KLF15: variants seen among roughly 807,000 people sequenced by gnomAD.
The protein encoded by KLF15 is KLF transcription factor 15, also known as Krueppel-like factor 15.
In KLF15, 4 loss-of-function variants were observed where a neutral mutation model predicts 24.6. The ratio of observed to expected loss-of-function variants is 0.16; its 90% CI spans 0.08 to 0.37. KLF15 has a LOEUF of 0.37. Among genes scored for constraint, KLF15 ranks in the 10% least tolerant of loss-of-function variants. KLF15 has a pLI of 1.00. For missense variants in KLF15, 496 were observed against 560.6 expected (o/e 0.88, Z 1.16); for synonymous variants, 246 against 236.3 (o/e 1.04, Z -0.37).
chr3:126,290,358 C>A, the KLF15 span, among the ~76,000 whole-genome samples: 10 of 152,288 alleles, frequency 6.6e-5, no homozygotes, highest in African/African-American at 2.2e-4. Context: ...GTGGACCCCA[C>A]CCCAGCCCAG....
chr3:126,303,536 C>T, the KLF15 span, among the ~76,000 whole-genome samples: 2 of 151,762 alleles, frequency 1.3e-5, no homozygotes, highest in East Asian at 1.9e-4. Flanking sequence ...ATGTAATATG[C>T]CTTTTTCTAT....
chr3:126,340,971 C>T (rs2082475490), downstream of KLF15, among the ~76,000 whole-genome samples: 1 of 152,236 alleles, frequency 6.6e-6, no homozygotes, highest in African/African-American at 2.4e-5. Context: ...TTACCACGTG[C>T]CACCACGCTG....
In KLF15 at chr3:126,352,452, C is replaced by T. The variant is rs768650417; in HGVS notation, c.471G>A (p.Lys157=). 1 of 1,613,598 alleles carries T rather than the reference C, an allele frequency of 6.2e-7. No homozygotes were observed. Among genetic ancestry groups the T allele is most frequent in the Non-Finnish European group, 8.5e-7 (1 of 1,179,990 alleles). ...CCTTGCTGTTGCCCTCAGGGACCTCCTTGACTCCAGGCTCCATGTTCTCCT... is the reference window on the plus strand; with the variant it reads ...CCTTGCTGTTGCCCTCAGGGACCTCTTTGACTCCAGGCTCCATGTTCTCCT... The part of the protein sequence containing the change: ...FLEENMEPGV[K]EVPEGNSKDL... The change falls in exon 2 of 3, where the codon AAG becomes AAA. Residue 157 remains lysine (K), a synonymous_variant. Transcript: ENST00000296233.
chr3:126,352,142 C>G lies in KLF15; in HGVS notation c.781G>C (p.Ala261Pro), dbSNP rs754183879. Residue 261 changes from alanine to proline, a missense_variant, in exon 2 of 3, where the codon GCA becomes CCA. Ala to Pro is a conservative substitution (Grantham distance 27). This residue lies in a region of KLF15 where 399 missense variants were observed against 423.1 expected (regional missense o/e 0.94). Transcript: ENST00000296233. The stretch of plus-strand genomic sequence containing the variant: ...GAGGGTACCACCTGGGGCACGAGTG[C>G]GAAGGTCTGCCCCTGGATGTTGACC... ...LLVNIQGQTF[A>P]LVPQVVPSSN... 1 of 1,569,382 alleles carries G rather than the reference C, an allele frequency of 6.4e-7. No homozygotes were observed. Among genetic ancestry groups the G allele is most frequent in the Non-Finnish European group, 8.6e-7 (1 of 1,156,758 alleles).
chr3:126,308,475 G>C, the KLF15 span, among the ~76,000 whole-genome samples: 1 of 152,292 alleles, frequency 6.6e-6, no homozygotes, highest in African/African-American at 2.4e-5. Flanking sequence ...CCAGCTGAGG[G>C]AGCTGCACGT....
chr3:126,318,105 C>T, the KLF15 span, among the ~76,000 whole-genome samples: 25 of 152,208 alleles, frequency 1.6e-4, no homozygotes, highest in African/African-American at 5.8e-4. Context: ...GCTGCCTGTC[C>T]GCTCTCACCC....
the KLF15 span, among the ~76,000 whole-genome samples, chr3:126,305,326 C>T: frequency 1.3e-5 from 2 of 152,148 alleles, no homozygotes; most frequent in Non-Finnish European, 2.9e-5. Flanking sequence ...GATGAGTCTC[C>T]CAGTTGGCCC....
chr3:126,292,151 C>A, the KLF15 span, among the ~76,000 whole-genome samples: 2 of 152,194 alleles, frequency 1.3e-5, no homozygotes, highest in African/African-American at 2.4e-5. Flanking sequence ...AGCAGATTCC[C>A]TGTGGCATGA....
the KLF15 span, among the ~76,000 whole-genome samples, chr3:126,292,713 C>G: frequency 6.6e-6 from 1 of 151,608 alleles, no homozygotes; most frequent in South Asian, 2.1e-4. Context: ...TGAGTCTGGA[C>G]GAGGGGAGGG....
chr3:126,314,546 A>T, the KLF15 span, among the ~76,000 whole-genome samples: 1 of 152,132 alleles, frequency 6.6e-6, no homozygotes, highest in African/African-American at 2.4e-5. Context: ...CCATCCAACC[A>T]GTAGCTCCTG....
chr3:126,314,627 C>T, the KLF15 span, among the ~76,000 whole-genome samples: 1 of 152,200 alleles, frequency 6.6e-6, no homozygotes, highest in Admixed American at 6.5e-5. Flanking sequence ...GTGACCCCAG[C>T]AGGGCCCAGA....
downstream of KLF15, among the ~76,000 whole-genome samples, chr3:126,337,997 C>G (rs1055414573): frequency 3.9e-5 from 6 of 152,210 alleles, no homozygotes; most frequent in Admixed American, 1.3e-4. Flanking sequence ...GTAGTGCACT[C>G]CAGCCGCTGT....
chr3:126,352,421 C>T lies in KLF15; in HGVS notation c.502G>A (p.Asp168Asn), dbSNP rs1281213893. Residue 168 changes from aspartate to asparagine, a missense_variant, in exon 2 of 3, where the codon GAT (aspartate) becomes AAT (asparagine). This residue lies in a region of KLF15 where 399 missense variants were observed against 423.1 expected (regional missense o/e 0.94). Coordinates refer to ENST00000296233, the MANE Select transcript of KLF15 (RefSeq NM_014079.4). Reference sequence around the variant, plus strand: ...CCAGCTGAGAGCTGGCTGCAGGCATCCAAGTCCTTGCTGTTGCCCTCAGGG... The same window carrying T: ...CCAGCTGAGAGCTGGCTGCAGGCATTCAAGTCCTTGCTGTTGCCCTCAGGG... Reference protein sequence around the residue: ...EVPEGNSKDLDACSQLSAGPH... With the variant: ...EVPEGNSKDLNACSQLSAGPH... 6 of 1,613,580 alleles carry T rather than the reference C, an allele frequency of 3.7e-6. No individual in the cohort carries two copies. The South Asian group carries it at 6.6e-5, about 18-fold the overall frequency.
chr3:126,299,108 T>A, the KLF15 span, among the ~76,000 whole-genome samples: 4 of 152,340 alleles, frequency 2.6e-5, no homozygotes, highest in East Asian at 7.7e-4. Context: ...CCATGGGATG[T>A]ATTTCTATTT....
the KLF15 span, among the ~76,000 whole-genome samples, chr3:126,317,441 C>A: frequency 6.6e-6 from 1 of 152,100 alleles, no homozygotes; most frequent in African/African-American, 2.4e-5. Flanking sequence ...AGCAACTTCG[C>A]GATAAGATCT....
In KLF15 at chr3:126,343,602, G is replaced by T; in HGVS notation, c.*125C>A. 1.0e-6 allele frequency: 1 copy of T among 987,206 alleles called. No individual in the cohort carries two copies. The highest frequency in any genetic ancestry group is 1.5e-6 in the Non-Finnish European group (1 of 666,298). The allele number at this position is 987,206 out of a possible 1,614,324, so 61.2% of individuals were successfully genotyped here. ...GCGGGCCCTGGGTTCACACCTCCCA[G>T]GCTTCAGAAGGTGGGCTGGTAACAT... On this transcript the variant is annotated 3_prime_UTR_variant, in exon 3 of 3. Transcript: ENST00000296233.
At chr3:126,329,446 C>G in the KLF15 span, among the ~76,000 whole-genome samples, 1 of 152,156 alleles carries the variant, frequency 6.6e-6, no homozygotes, top group Non-Finnish European at 1.5e-5. Context: ...GATCCCATCT[C>G]TGCACTCCAG....
the KLF15 span, among the ~76,000 whole-genome samples, chr3:126,307,924 G>A: frequency 6.6e-6 from 1 of 152,090 alleles, no homozygotes. Context: ...CCCCTTGTCT[G>A]GACTCCGTGT....
rs367893417 is a variant in KLF15, at chr3:126,352,900, A to T, written c.23T>A (p.Val8Glu). The change falls in exon 2 of 3, where the codon GTG becomes GAG. Residue 8 changes from valine to glutamate, a missense_variant. By Grantham distance (121) the Val-to-Glu change is moderately radical. Transcript: ENST00000296233. MVDHLLP[V>E]DENFSSPKCP... Reference sequence around the variant, plus strand: ...TTTTGGCGACGAGAAGTTCTCGTCCACTGGAAGTAAGTGGTCCACCATGCT... The same window carrying T: ...TTTTGGCGACGAGAAGTTCTCGTCCTCTGGAAGTAAGTGGTCCACCATGCT... 16 of 1,608,562 alleles carry T rather than the reference A, an allele frequency of 9.9e-6. No homozygotes were observed. The highest frequency in any genetic ancestry group is 1.7e-5 in the Admixed American group (1 of 59,774).
Sources: allele counts gnomAD v4.1 joint callset (sites outside exome capture counted in the v4.1 genomes callset), GRCh38; gene constraint gnomAD v4.1.1; regional missense constraint gnomAD v4.1.1; transcripts MANE v1.5; gene names NCBI Gene and HGNC (gene_info 2026-07-23, HGNC 2026-07-21).